TGM2: variants seen among roughly 807,000 people sequenced by gnomAD.
The protein encoded by TGM2 is transglutaminase 2, also known as protein-glutamine gamma-glutamyltransferase 2.
TGM2 carries 53 observed loss-of-function variants against 75.6 expected under a neutral mutation model. The observed-to-expected ratio is 0.70, with a 90% confidence interval of 0.56 to 0.88. The LOEUF (loss-of-function observed/expected upper bound fraction) is 0.88, where lower values mean the gene tolerates loss of function less well. Among genes scored for constraint, TGM2 ranks in the 40% least tolerant of loss-of-function variants. The probability of loss-of-function intolerance (pLI) is 0.00; values close to 1 mark genes in which losing one functional copy is unlikely to be tolerated. For synonymous variants in TGM2, 374 were observed against 381.1 expected (o/e 0.98, Z 0.22); for missense variants, 842 against 928.5 (o/e 0.91, Z 1.21).
Position 38,130,166 on chromosome 20 carries a change from A to G in TGM2, c.*53T>C, listed in dbSNP as rs533034844. On this transcript the variant is annotated 3_prime_UTR_variant, in exon 13 of 13. Coordinates refer to ENST00000361475, the MANE Select transcript of TGM2 (RefSeq NM_004613.4). Reference sequence around the variant, plus strand: ...GGCATATTTTGCTCACTAGCTTGGGATAAGGATTGGGATCAAGGTGGGGGC... The same window carrying G: ...GGCATATTTTGCTCACTAGCTTGGGGTAAGGATTGGGATCAAGGTGGGGGC... The G allele has an allele frequency of 6.2e-7, 1 of 1,609,122 alleles. No homozygotes were observed. Among genetic ancestry groups the G allele is most frequent in the African/African-American group, 1.3e-5 (1 of 75,016 alleles).
intron 1 of TGM2, among the ~76,000 whole-genome samples, chr20:38,164,106 C>G (rs1236358169): frequency 6.6e-6 from 1 of 152,206 alleles, no homozygotes. Context: ...CCCACTGAGC[C>G]CTGCTTTTGA....
chr20:38,152,738 C>T (rs955168431), intron 3 of TGM2, among the ~76,000 whole-genome samples: 1 of 152,246 alleles, frequency 6.6e-6, no homozygotes, highest in Admixed American at 6.5e-5. Flanking sequence ...AGCGCCCCTG[C>T]GCTCACCCCA....
rs1288390083 is a variant in TGM2 at position 38,146,839 on chromosome 20, C to G, written c.737G>C (p.Gly246Ala). ...VLLGRWDNNY[G>A]DGVSPMSWIG... ...CCAGGACATGGGGCTGACGCCGTCC[C>G]CGTAGTTGTTGTCCCAGCGTCCCAG... The change falls in exon 6 of 13, where the codon GGG becomes GCG. Residue 246 changes from glycine (G) to alanine (A), a missense_variant. Gly to Ala is a moderately conservative substitution (Grantham distance 60). Transcript: ENST00000361475. 1 of 1,614,110 alleles carries G rather than the reference C, an allele frequency of 6.2e-7. No individual in the cohort carries two copies. The highest frequency in any genetic ancestry group is 8.5e-7 in the Non-Finnish European group (1 of 1,180,040).
At chr20:38,134,931 C>T (rs2074879966) in intron 10 of TGM2, among the ~76,000 whole-genome samples, 1 of 152,228 alleles carries the variant, frequency 6.6e-6, no homozygotes, top group African/African-American at 2.4e-5. Context: ...GAGGTTCCAA[C>T]AGGGGACTTG....
At chr20:38,162,888 T>C (rs1010784362) in intron 1 of TGM2, among the ~76,000 whole-genome samples, 2 of 152,222 alleles carry the variant, frequency 1.3e-5, no homozygotes, top group Non-Finnish European at 2.9e-5. Context: ...TTCAATATTC[T>C]CCAAAACAAA....
At chr20:38,135,161 G>A (rs1392325097) in intron 10 of TGM2, among the ~76,000 whole-genome samples, 2 of 152,216 alleles carry the variant, frequency 1.3e-5, no homozygotes, top group Non-Finnish European at 2.9e-5. Context: ...TTAGAGGTGA[G>A]GGCTGACTCC....
chr20:38,142,631 C>A (rs2074990191), intron 6 of TGM2, among the ~76,000 whole-genome samples: 2 of 152,208 alleles, frequency 1.3e-5, no homozygotes, highest in South Asian at 4.1e-4. Flanking sequence ...ATTGCTTGAA[C>A]CTGGGAGGCG....
At chr20:38,167,099 C>T (rs1600529864), upstream of TGM2, among the ~76,000 whole-genome samples, 1 of 152,118 alleles carries the variant, frequency 6.6e-6, no homozygotes, top group Admixed American at 6.5e-5. Context: ...ACGTGGTGAG[C>T]ATGCAATAAC....
chr20:38,158,463 C>T (rs1019176502), intron 2 of TGM2, among the ~76,000 whole-genome samples: 8 of 147,898 alleles, frequency 5.4e-5, no homozygotes, highest in South Asian at 2.3e-4. Context: ...CCATGGTGGC[C>T]GGGCTGGGAT....
At chr20:38,149,107 TATAC>T (rs2075082251) in intron 4 of TGM2, among the ~76,000 whole-genome samples, 1 of 152,178 alleles carries the variant, frequency 6.6e-6, no homozygotes, top group South Asian at 2.1e-4. Flanking sequence ...CAAGCTACAA[TATAC>T]CTCTCAGGCA....
At chr20:38,140,360 T>G (rs2074956506) in intron 8 of TGM2, among the ~76,000 whole-genome samples, 1 of 152,218 alleles carries the variant, frequency 6.6e-6, no homozygotes, top group East Asian at 1.9e-4. Flanking sequence ...ATGCCAATGC[T>G]TTATCCAGAA....
upstream of TGM2, chr20:38,165,283 A>AGCG: frequency 6.3e-7 from 1 of 1,598,766 alleles, no homozygotes; most frequent in Non-Finnish European, 8.5e-7. Flanking sequence ...CGAGGCGGAG[A>AGCG]GCGGCGCTAA....
At chr20:38,147,596 G>C (rs1169705349) in intron 5 of TGM2, among the ~76,000 whole-genome samples, 1 of 152,026 alleles carries the variant, frequency 6.6e-6, no homozygotes, top group Non-Finnish European at 1.5e-5. Flanking sequence ...TGAACTGCCT[G>C]CTCGTTCATA....
intron 6 of TGM2, among the ~76,000 whole-genome samples, 175 bp from the exon 7 acceptor site, chr20:38,142,374 C>T (rs1487253551): frequency 2.0e-5 from 3 of 152,194 alleles, no homozygotes; most frequent in African/African-American, 7.2e-5. Flanking sequence ...CACCCCATGT[C>T]CATTCTATGC....
chr20:38,164,569 G>C (rs1199215057), intron 1 of TGM2, among the ~76,000 whole-genome samples: 1 of 152,100 alleles, frequency 6.6e-6, no homozygotes, highest in African/African-American at 2.4e-5. Context: ...GGGGGTCTTG[G>C]GGGAAAACAA....
chr20:38,158,827 G>A (rs990971093), intron 2 of TGM2, among the ~76,000 whole-genome samples: 2 of 152,234 alleles, frequency 1.3e-5, no homozygotes, highest in African/African-American at 4.8e-5. Context: ...CAGGAGCAGA[G>A]TCAGCTGGCC....
At position 38,141,279 on chromosome 20, in the gene TGM2, C is replaced by A; in HGVS notation, c.1099+3G>T. On this transcript the variant is annotated splice_donor_region_variant and intron_variant, in intron 8 of 12. Coordinates refer to ENST00000361475, the MANE Select transcript of TGM2 (RefSeq NM_004613.4). ...TTTGACGCGACAGTGCCCGCCCACG[C>A]ACCTTCGCTCTTCTCCTGGGGCGTT... is the stretch of plus-strand genomic sequence containing the variant. The A allele has an allele frequency of 1.3e-6, 2 of 1,566,314 alleles. No individual in the cohort carries two copies. Among genetic ancestry groups the A allele is most frequent in the African/African-American group, 1.4e-5 (1 of 74,054 alleles).
Position 38,127,690 on chromosome 20 carries a change from G to T in TGM2, c.*2529C>A, listed in dbSNP as rs977389759. ...CAAAGATTGAGTACAAAAATAAGAAGGTCAAATACCTTACTAATTCTTATA... is the reference window on the plus strand; with the variant it reads ...CAAAGATTGAGTACAAAAATAAGAATGTCAAATACCTTACTAATTCTTATA... On this transcript the variant is annotated 3_prime_UTR_variant, in exon 13 of 13. Coordinates refer to ENST00000361475, the MANE Select transcript of TGM2 (RefSeq NM_004613.4). 8 of 152,032 alleles carry T rather than the reference G, an allele frequency of 5.3e-5. No homozygotes were observed. Among genetic ancestry groups the T allele is most frequent in the African/African-American group, 1.9e-4 (8 of 41,384 alleles). 9.4% of individuals were successfully genotyped at this position (152,032 alleles called of 1,614,324 possible).
At chr20:38,154,839 C>T (rs1261581734) in intron 3 of TGM2, among the ~76,000 whole-genome samples, 2 of 152,106 alleles carry the variant, frequency 1.3e-5, no homozygotes, top group South Asian at 2.1e-4. Flanking sequence ...GGCACGGTGG[C>T]TCACGCCTGT....
Sources: gnomAD v4.1 joint callset for allele counts (sites outside exome capture counted in the v4.1 genomes callset) on GRCh38, gnomAD v4.1.1 for gene constraint, MANE v1.5 for transcripts, NCBI Gene and HGNC (gene_info 2026-07-23, HGNC 2026-07-21) for gene names.